The following HTR4 variants were observed in gnomAD, a reference collection of about 807,000 sequenced individuals.
The protein encoded by HTR4 is 5-hydroxytryptamine (serotonin) receptor 4, G protein-coupled.
In HTR4, 16 loss-of-function variants were observed where a neutral mutation model predicts 36.8. The observed-to-expected ratio is 0.43, with a 90% CI of 0.29 to 0.66. The LOEUF (loss-of-function observed/expected upper bound fraction) is 0.66, where lower values mean the gene tolerates loss of function less well. HTR4 is among the 30% of genes least tolerant of loss of function. The pLI, the probability that HTR4 is intolerant of heterozygous loss-of-function variation, is 0.13. For synonymous variants in HTR4, 189 were observed against 185.1 expected (o/e 1.02, Z -0.17); for missense variants, 438 against 490.9 (o/e 0.89, Z 1.02).
At chr5:148,653,669 G>T (rs1382244889) in intron 1 of HTR4, among the ~76,000 whole-genome samples, 1 of 151,782 alleles carries the variant, frequency 6.6e-6, no homozygotes, top group Non-Finnish European at 1.5e-5. Flanking sequence ...CAGCCATAGA[G>T]TCCACACACA....
At chr5:148,518,611 A>G (rs1293268430) in intron 5 of HTR4, among the ~76,000 whole-genome samples, 1 of 151,954 alleles carries the variant, frequency 6.6e-6, no homozygotes, top group Non-Finnish European at 1.5e-5. Context: ...CATTCCTCTC[A>G]CCCAAACCCT....
chr5:148,525,730 T>C (rs1386024160), intron 4 of HTR4, among the ~76,000 whole-genome samples: 2 of 152,198 alleles, frequency 1.3e-5, no homozygotes, highest in African/African-American at 4.8e-5. Flanking sequence ...ATAAATTCTC[T>C]TTTTGCTTAA....
At chr5:148,647,151 T>C (rs1386821644) in intron 1 of HTR4, among the ~76,000 whole-genome samples, 1 of 152,362 alleles carries the variant, frequency 6.6e-6, no homozygotes, top group Non-Finnish European at 1.5e-5. Context: ...ATAGACCTGC[T>C]ACCACTCATG....
intron 2 of HTR4, among the ~76,000 whole-genome samples, chr5:148,554,877 A>G (rs548911458): frequency 5.9e-5 from 9 of 152,100 alleles, no homozygotes; most frequent in African/African-American, 2.2e-4. Context: ...TTCAGCCCCC[A>G]CTTGTAAGTA....
chr5:148,605,994 A>G (rs946117619), intron 2 of HTR4, among the ~76,000 whole-genome samples: 1 of 152,204 alleles, frequency 6.6e-6, no homozygotes, highest in African/African-American at 2.4e-5. Flanking sequence ...AGGCATGGCC[A>G]TTGCCCTCTG....
intron 4 of HTR4, among the ~76,000 whole-genome samples, chr5:148,531,459 T>A (rs1215628244): frequency 6.6e-6 from 1 of 152,210 alleles, no homozygotes; most frequent in Non-Finnish European, 1.5e-5. Flanking sequence ...TTTCCCCTTC[T>A]GCCATGATTG....
At chr5:148,651,791 C>T (rs142023020) in intron 1 of HTR4, among the ~76,000 whole-genome samples, 73 of 151,496 alleles carry the variant, frequency 4.8e-4, no homozygotes, top group African/African-American at 1.8e-3. Flanking sequence ...ATATGGAAGA[C>T]TGAATTTTCA....
In HTR4 at chr5:148,577,900, T is replaced by C. The variant is rs1760990212; in HGVS notation, c.27-27638A>G. On this transcript the variant is annotated intron_variant, in intron 2 of 6. Transcript: ENST00000377888. ...TTAATTTCTGGGTGATGAAATAATC[T>C]GTACAACAAACTCCCATGACATGAG... Among the ~76,000 whole-genome samples the C allele has an allele frequency of 2.0e-5, 3 of 152,056 alleles. 1 individual carries two copies. The South Asian group carries it at 6.2e-4, about 32-fold the overall frequency.
chr5:148,587,124 C>A (rs17108465), intron 2 of HTR4, among the ~76,000 whole-genome samples: 1 of 152,110 alleles, frequency 6.6e-6, no homozygotes, highest in African/African-American at 2.4e-5. Context: ...TCTGGAACCA[C>A]GTTTGTTTTA....
chr5:148,536,894 G>C (rs1417696952), intron 4 of HTR4, among the ~76,000 whole-genome samples: 1 of 152,150 alleles, frequency 6.6e-6, no homozygotes, highest in Non-Finnish European at 1.5e-5. Flanking sequence ...GGACCTGATA[G>C]ACTTCTACAG....
chr5:148,519,629 T>G (rs1432913), intron 5 of HTR4, among the ~76,000 whole-genome samples: 76,041 of 152,020 alleles, frequency 0.5, 20,084 homozygotes, highest in African/African-American at 0.68. Flanking sequence ...AATACTTGAG[T>G]TGCTTTCACA....
chr5:148,620,259 A>C (rs1045798637), intron 2 of HTR4, among the ~76,000 whole-genome samples: 2 of 152,266 alleles, frequency 1.3e-5, no homozygotes. Flanking sequence ...GAAACTGATC[A>C]GTCTGTAATG....
intron 2 of HTR4, among the ~76,000 whole-genome samples, chr5:148,562,202 A>C (rs1013590653): frequency 1.3e-5 from 2 of 152,236 alleles, no homozygotes; most frequent in Non-Finnish European, 2.9e-5. Context: ...ACACTACAAA[A>C]GTAGAGCTGA....
intron 6 of HTR4, among the ~76,000 whole-genome samples, chr5:148,486,238 G>A (rs960424928): frequency 6.6e-6 from 1 of 152,106 alleles, no homozygotes; most frequent in Non-Finnish European, 1.5e-5. Flanking sequence ...TTCACAGTTA[G>A]CAGTTTAGTG....
intron 5 of HTR4, among the ~76,000 whole-genome samples, chr5:148,455,993 C>T (rs577912822): frequency 6.6e-6 from 1 of 152,066 alleles, no homozygotes; most frequent in Non-Finnish European, 1.5e-5. Flanking sequence ...AAAATCCATG[C>T]GTAAGTGGAC....
intron 6 of HTR4, among the ~76,000 whole-genome samples, chr5:148,496,935 A>G (rs1756711505): frequency 2.0e-5 from 3 of 152,176 alleles, no homozygotes; most frequent in Non-Finnish European, 4.4e-5. Flanking sequence ...CCGTGAATCA[A>G]ACTTCAGAAC....
At chr5:148,513,874 G>T (rs1757611163) in intron 5 of HTR4, among the ~76,000 whole-genome samples, 1 of 152,008 alleles carries the variant, frequency 6.6e-6, no homozygotes, top group African/African-American at 2.4e-5. Context: ...CTTTTACTCT[G>T]TTGTAAATGG....
chr5:148,637,755 C>T (rs983401198), intron 1 of HTR4, among the ~76,000 whole-genome samples: 4 of 152,174 alleles, frequency 2.6e-5, no homozygotes, highest in Non-Finnish European at 5.9e-5. Flanking sequence ...CTGATCTCCA[C>T]AAAATCAACC....
rs191254237 is a variant in HTR4, at chr5:148,577,944, C to T, written c.27-27682G>A. Among the ~76,000 whole-genome samples, 381 of 151,834 alleles carry T rather than the reference C, an allele frequency of 2.5e-3. 1 individual carries two copies. Among genetic ancestry groups the T allele is most frequent in the African/African-American group, 8.6e-3 (355 of 41,426 alleles). On this transcript the variant is annotated intron_variant, in intron 2 of 6. Transcript: ENST00000377888. Reference sequence around the variant, plus strand: ...ACATGAGTTTACCTATGTAACAAACCTTCACATGTACCCCTGAACCTAAAA... The same window carrying T: ...ACATGAGTTTACCTATGTAACAAACTTTCACATGTACCCCTGAACCTAAAA...
Sources: gnomAD v4.1 joint callset for allele counts (sites outside exome capture counted in the v4.1 genomes callset) on GRCh38, gnomAD v4.1.1 for gene constraint, MANE v1.5 for transcripts, NCBI Gene and HGNC (gene_info 2026-07-23, HGNC 2026-07-21) for gene names.